The following TSNARE1 variants were observed in gnomAD, a reference collection of about 807,000 sequenced individuals.
TSNARE1 encodes the protein t-SNARE domain-containing protein 1.
Under a neutral mutation model 62.0 loss-of-function variants are expected in TSNARE1, and 49 were observed. The observed-to-expected ratio is 0.79, with a 90% CI of 0.63 to 1.00. The LOEUF (loss-of-function observed/expected upper bound fraction) is 1.00, where lower values mean the gene tolerates loss of function less well. TSNARE1 is among the 50% of genes least tolerant of loss of function. The probability of loss-of-function intolerance (pLI) is 0.00; values close to 1 mark genes in which losing one functional copy is unlikely to be tolerated. For missense variants in TSNARE1, 755 were observed against 700.1 expected (o/e 1.08, Z -0.88); for synonymous variants, 328 against 294.4 (o/e 1.11, Z -1.17).
chr8:142,356,667 C>T (rs189276263), intron 1 of TSNARE1, among the ~76,000 whole-genome samples: 2 of 152,166 alleles, frequency 1.3e-5, no homozygotes, highest in East Asian at 1.9e-4. Context: ...ACACTTGGCG[C>T]GTGACGACAA....
intron 12 of TSNARE1, among the ~76,000 whole-genome samples, chr8:142,241,636 GTACTGGCACA>G (rs1817670828): frequency 6.6e-6 from 1 of 152,186 alleles, no homozygotes; most frequent in Admixed American, 6.5e-5. Flanking sequence ...AAACAGCAGG[GTACTGGCACA>G]AAAACAGACG....
At chr8:142,215,482 G>A (rs1053093870) in intron 13 of TSNARE1, among the ~76,000 whole-genome samples, 8 of 152,130 alleles carry the variant, frequency 5.3e-5, no homozygotes, top group Non-Finnish European at 1.0e-4. Context: ...CCAAGATTGG[G>A]AACTGGGTCT....
At chr8:142,266,792 C>G (rs970120158) in intron 12 of TSNARE1, among the ~76,000 whole-genome samples, 4 of 152,206 alleles carry the variant, frequency 2.6e-5, no homozygotes, top group Non-Finnish European at 4.4e-5. Context: ...ACTGATCCTC[C>G]TCTTCCGGGA....
At chr8:142,280,807 C>T (rs901781929) in intron 11 of TSNARE1, among the ~76,000 whole-genome samples, 3 of 152,166 alleles carry the variant, frequency 2.0e-5, no homozygotes, top group Non-Finnish European at 4.4e-5. Flanking sequence ...GGGGGGAGGA[C>T]AGAGCGATAG....
At chr8:142,338,359 G>A (rs1832064767) in intron 4 of TSNARE1, among the ~76,000 whole-genome samples, 1 of 152,230 alleles carries the variant, frequency 6.6e-6, no homozygotes, top group South Asian at 2.1e-4. Context: ...TCAAGGCAAT[G>A]CAGCCCCAGC....
chr8:142,263,130 C>T (rs1033804228), intron 12 of TSNARE1, among the ~76,000 whole-genome samples: 2 of 152,158 alleles, frequency 1.3e-5, no homozygotes, highest in Non-Finnish European at 2.9e-5. Context: ...CATATCTCAC[C>T]GTGAATGTTC....
chr8:142,344,142 T>TCCCG lies in TSNARE1; in HGVS notation c.565_568dup (p.Asp190AlafsTer102). 1 of 1,612,834 alleles carries TCCCG rather than the reference T, an allele frequency of 6.2e-7. No individual in the cohort carries two copies. On this transcript the variant is annotated frameshift_variant, in exon 4 of 14. Coordinates refer to ENST00000524325, the MANE Select transcript of TSNARE1 (RefSeq NM_145003.5). LOFTEE classifies it high-confidence loss of function. ...CTTGCGCCGCACGACGGCTCGTAGG[T>TCCCG]CCCGCCACTTGTGCTTCAGGTCCAC...
chr8:142,249,580 G>A (rs893101470), intron 12 of TSNARE1, among the ~76,000 whole-genome samples: 2 of 152,246 alleles, frequency 1.3e-5, no homozygotes, highest in African/African-American at 2.4e-5. Flanking sequence ...TTTCAAGCAC[G>A]CAGTGGGTTG....
chr8:142,257,354 C>A (rs1360614233), intron 12 of TSNARE1, among the ~76,000 whole-genome samples: 1 of 152,160 alleles, frequency 6.6e-6, no homozygotes, highest in African/African-American at 2.4e-5. Context: ...AGGGCAGGAG[C>A]TCCCCGCAAG....
intron 6 of TSNARE1, among the ~76,000 whole-genome samples, chr8:142,329,065 T>C (rs1014772029): frequency 6.6e-6 from 1 of 152,330 alleles, no homozygotes; most frequent in Middle Eastern, 3.4e-3. Context: ...AGTTGGCAAC[T>C]TCGTCAATGT....
intron 12 of TSNARE1, among the ~76,000 whole-genome samples, chr8:142,233,527 GACA>G (rs1463614092): frequency 2.0e-5 from 3 of 152,186 alleles, no homozygotes; most frequent in East Asian, 3.9e-4. Context: ...GATCACAGCT[GACA>G]ACATCTCAGC....
intron 11 of TSNARE1, chr8:142,276,568 T>C (rs1393853377): frequency 2.0e-6 from 2 of 985,430 alleles, no homozygotes; most frequent in Non-Finnish European, 2.4e-6. Context: ...CATGGTGGTC[T>C]GGGCTAACAC....
At chr8:142,406,662 CCTT>C (rs1838587943), upstream of TSNARE1, 1 of 152,292 alleles carries the variant, frequency 6.6e-6, no homozygotes, top group African/African-American at 2.4e-5. Flanking sequence ...CTGAGGCACA[CCTT>C]CTCTAGGCTT....
intron 12 of TSNARE1, among the ~76,000 whole-genome samples, chr8:142,261,080 AAAGGAG>A (rs1563786897): frequency 1.9e-3 from 10 of 5,234 alleles, no homozygotes; most frequent in East Asian, 6.9e-3. Context: ...AGGAGAGAGG[AAAGGAG>A]GAAGGAGGGA....
intron 13 of TSNARE1, among the ~76,000 whole-genome samples, chr8:142,218,057 AGAGTGTGAGCAGGATCAGG>A (rs879818185): frequency 3.2e-4 from 38 of 118,262 alleles, no homozygotes; most frequent in Middle Eastern, 4.5e-3. Flanking sequence ...ATCAGGGCTC[AGAGTGTGAGCAGGATCAGG>A]GTTCAGAGAG....
intron 1 of TSNARE1, among the ~76,000 whole-genome samples, chr8:142,399,900 AC>A (rs1838161815): frequency 6.6e-6 from 1 of 152,178 alleles, no homozygotes; most frequent in Non-Finnish European, 1.5e-5. Flanking sequence ...GTGCATTAAA[AC>A]AAAAAGCCTG....
chr8:142,240,582 G>A (rs1395832091), intron 12 of TSNARE1, among the ~76,000 whole-genome samples: 1 of 152,146 alleles, frequency 6.6e-6, no homozygotes, highest in East Asian at 1.9e-4. Flanking sequence ...TTACAGAGAT[G>A]GAAAGTTCTA....
chr8:142,216,079 T>A (rs1482179076), intron 13 of TSNARE1, among the ~76,000 whole-genome samples: 7 of 152,112 alleles, frequency 4.6e-5, no homozygotes, highest in African/African-American at 7.2e-5. Context: ...AAGGTTCCCA[T>A]GGCATCCTCT....
At chr8:142,244,077 T>A (rs1817779750) in intron 12 of TSNARE1, among the ~76,000 whole-genome samples, 1 of 152,126 alleles carries the variant, frequency 6.6e-6, no homozygotes, top group South Asian at 2.1e-4. Flanking sequence ...TCCCAGCTAC[T>A]CAGGAAGCTG....
Sources: gnomAD v4.1 joint callset for allele counts (sites outside exome capture counted in the v4.1 genomes callset) on GRCh38, gnomAD v4.1.1 for gene constraint, MANE v1.5 for transcripts, NCBI Gene and HGNC (gene_info 2026-07-23, HGNC 2026-07-21) for gene names.